PPP1R12C: variants seen among roughly 807,000 people sequenced by gnomAD.
The protein encoded by PPP1R12C is protein phosphatase 1 regulatory subunit 12C, also known as leukocyte receptor cluster (LRC) encoded novel gene 3.
In PPP1R12C, 48 loss-of-function variants were observed where a neutral mutation model predicts 95.6. The ratio of observed to expected loss-of-function variants is 0.50; its 90% CI spans 0.40 to 0.64. The LOEUF is 0.64. PPP1R12C is among the 30% of genes least tolerant of loss of function. PPP1R12C has a pLI of 0.00. For synonymous variants in PPP1R12C, 480 were observed against 460.8 expected, an observed-to-expected ratio of 1.04 and a Z score of -0.53; for missense variants, 1,057 against 1,083.3, an observed-to-expected ratio of 0.98 and a Z score of 0.34.
In PPP1R12C at chr19:55,094,764, T is replaced by A. The variant is rs2084890737; in HGVS notation, c.1489A>T (p.Asn497Tyr). The part of the protein sequence containing the change: ...EVTKPPPCLE[N>Y]SSPPSRIPEP... The stretch of plus-strand genomic sequence containing the variant: ...GGAATCCTGGAGGGAGGCGAGGAGT[T>A]CTCCAAGCAAGGAGGAGGCTTGGTG... Residue 497 changes from asparagine to tyrosine, a missense_variant, in exon 12 of 22, where the codon AAC (asparagine) becomes TAC (tyrosine). This residue lies in a region of PPP1R12C where 356 missense variants were observed against 330.5 expected (regional missense o/e 1.08). Transcript: ENST00000263433. 2 of 1,604,990 alleles carry A rather than the reference T, an allele frequency of 1.2e-6. No homozygotes were observed. Among genetic ancestry groups the A allele is most frequent in the African/African-American group, 2.7e-5 (2 of 74,788 alleles).
At chr19:55,096,447 C>G in intron 6 of PPP1R12C, 112 bp from the exon 7 acceptor site, 1 of 1,278,956 alleles carries the variant, frequency 7.8e-7, no homozygotes, top group South Asian at 1.2e-5. Flanking sequence ...ACCGAGGGCT[C>G]GTGGGCTTAC....
chr19:55,095,868 A>G lies in PPP1R12C; in HGVS notation c.1226T>C (p.Val409Ala). 2.5e-6 allele frequency: 4 copies of G among 1,613,268 alleles called. No homozygotes were observed. The highest frequency in any genetic ancestry group is 3.4e-6 in the Non-Finnish European group (4 of 1,179,740). ...SPPHPSPKSP[V>A]QLEEAPFSRR... The stretch of plus-strand genomic sequence containing the variant: ...GGACCTCTCAGGGCATCCACTCACC[A>G]CGGGACTCTTAGGGCTGGGGTGCGG... Residue 409 changes from valine to alanine, a missense_variant and splice_region_variant, in exon 9 of 22, where the codon GTG becomes GCG. Val to Ala is a moderately conservative substitution (Grantham distance 64). Around this residue, in one of 5 missense-constraint regions of PPP1R12C, gnomAD observed 356 missense variants for 330.5 expected, o/e 1.08. Coordinates refer to ENST00000263433, the MANE Select transcript of PPP1R12C (RefSeq NM_017607.4).
intron 4 of PPP1R12C, among the ~76,000 whole-genome samples, chr19:55,101,572 T>G (rs1006665563): frequency 2.0e-5 from 3 of 152,208 alleles, no homozygotes; most frequent in Non-Finnish European, 4.4e-5. Context: ...TGTTTGCTCC[T>G]TTGCCCCCTC....
At chr19:55,112,608 G>T (rs1238683379) in intron 2 of PPP1R12C, 23 bp from the exon 3 acceptor site, 1 of 1,612,468 alleles carries the variant, frequency 6.2e-7, no homozygotes. Flanking sequence ...GCTGGTCAGG[G>T]CTGAGGGTCC....
intron 3 of PPP1R12C, among the ~76,000 whole-genome samples, chr19:55,110,045 CCT>C (rs1383797922): frequency 3.3e-5 from 5 of 152,206 alleles, no homozygotes; most frequent in Admixed American, 6.5e-5. Flanking sequence ...AGCATGGCCC[CCT>C]CTGAGAAGCT....
chr19:55,115,163 A>C (rs2085140141), intron 1 of PPP1R12C: 1 of 152,230 alleles, frequency 6.6e-6, no homozygotes, highest in South Asian at 2.1e-4. Flanking sequence ...AGAGAAAGGG[A>C]GTAGAGGCGG....
intron 3 of PPP1R12C, among the ~76,000 whole-genome samples, chr19:55,110,346 A>C (rs923355628): frequency 6.7e-6 from 1 of 149,446 alleles, no homozygotes; most frequent in Non-Finnish European, 1.5e-5. Flanking sequence ...TGTAGCATCA[A>C]GGTTGGTGCG....
intron 4 of PPP1R12C, 91 bp from the exon 5 acceptor site, chr19:55,099,186 G>A (rs1220513853): frequency 2.2e-6 from 3 of 1,392,346 alleles, no homozygotes; most frequent in African/African-American, 2.9e-5. Flanking sequence ...CGAGGTCCCA[G>A]GCCACGAGAC....
At chr19:55,110,297 G>A (rs1404119504) in intron 3 of PPP1R12C, among the ~76,000 whole-genome samples, 3 of 151,928 alleles carry the variant, frequency 2.0e-5, no homozygotes, top group African/African-American at 4.8e-5. Flanking sequence ...GGTGCAGTGG[G>A]TGAGAGTGTA....
chr19:55,108,806 G>A (rs530601037), intron 3 of PPP1R12C, among the ~76,000 whole-genome samples: 30 of 152,082 alleles, frequency 2.0e-4, no homozygotes, highest in African/African-American at 7.0e-4. Context: ...TCCCAGGTTC[G>A]AGTGATTCTC....
In PPP1R12C at chr19:55,094,705, G is replaced by A; in HGVS notation, c.1548C>T (p.Pro516=). The change falls in exon 12 of 22, where the codon CCC becomes CCT. Residue 516 remains proline, a synonymous_variant. Coordinates refer to ENST00000263433, the MANE Select transcript of PPP1R12C (RefSeq NM_017607.4). ...CCGCTGGGGGCGCCGTGGAGGCTGT[G>A]GGGACGTTTGGCTTCGCTGGGGATT... ...EPESPAKPNV[P]TASTAPPADS... 1 of 1,609,436 alleles carries A rather than the reference G, an allele frequency of 6.2e-7. No individual in the cohort carries two copies. The highest frequency in any genetic ancestry group is 8.5e-7 in the Non-Finnish European group (1 of 1,178,932).
intron 4 of PPP1R12C, 31 bp from the exon 5 acceptor site, chr19:55,099,126 C>A: frequency 6.7e-7 from 1 of 1,489,056 alleles, no homozygotes; most frequent in Admixed American, 2.5e-5. Context: ...GGGTCAGAGG[C>A]CAAGGCGGGG....
chr19:55,095,411 G>C, intron 10 of PPP1R12C, 34 bp downstream of exon 10: 1 of 1,562,608 alleles, frequency 6.4e-7, no homozygotes, highest in Non-Finnish European at 8.7e-7. Context: ...CTGGGCAGGG[G>C]CCTGGGCCTG....
chr19:55,104,251 A>AAT (rs202053895), intron 3 of PPP1R12C, among the ~76,000 whole-genome samples: 2 of 145,872 alleles, frequency 1.4e-5, no homozygotes, highest in African/African-American at 2.5e-5. Context: ...TTATATATAT[A>AAT]ATATATATAT....
intron 9 of PPP1R12C, 80 bp from the exon 10 acceptor site, chr19:55,095,683 A>G (rs1222379241): frequency 3.3e-6 from 5 of 1,501,916 alleles, no homozygotes; most frequent in Admixed American, 2.2e-5. Context: ...AAAGGACTGC[A>G]ACAAACTACA....
chr19:55,101,736 G>A (rs79951257), intron 4 of PPP1R12C, among the ~76,000 whole-genome samples: 3,996 of 152,268 alleles, frequency 0.026, 75 homozygotes, highest in Non-Finnish European at 0.042. Flanking sequence ...CCCCCTTGTC[G>A]TAAGGATCAG....
intron 16 of PPP1R12C, 47 bp from the exon 17 acceptor site, chr19:55,092,709 G>T: frequency 1.3e-6 from 2 of 1,526,736 alleles, no homozygotes; most frequent in Non-Finnish European, 1.8e-6. Flanking sequence ...AGGGACTTTA[G>T]CGGGTATGGG....
At chr19:55,116,988 T>C (rs969020667) in intron 1 of PPP1R12C, among the ~76,000 whole-genome samples, 17 of 151,700 alleles carry the variant, frequency 1.1e-4, no homozygotes, top group African/African-American at 4.1e-4. Context: ...TGGGGCAGAG[T>C]GGTCAGCACA....
chr19:55,108,109 T>C (rs1383673763), intron 3 of PPP1R12C, among the ~76,000 whole-genome samples: 1 of 151,894 alleles, frequency 6.6e-6, no homozygotes, highest in Admixed American at 6.6e-5. Context: ...CTAACTTTTA[T>C]ATTTTCAGCA....
Sources: allele counts gnomAD v4.1 joint callset (sites outside exome capture counted in the v4.1 genomes callset), GRCh38; gene constraint gnomAD v4.1.1; regional missense constraint gnomAD v4.1.1; transcripts MANE v1.5; gene names NCBI Gene and HGNC (gene_info 2026-07-23, HGNC 2026-07-21).